The following CD5L variants were observed in gnomAD, a reference collection of about 807,000 sequenced individuals.
CD5L encodes CD5 antigen-like.
A neutral mutation model predicts 40.8 loss-of-function variants in CD5L; 39 were observed. That is an observed-to-expected ratio of 0.96 (90% CI 0.74 to 1.25). The LOEUF (loss-of-function observed/expected upper bound fraction) is 1.25. CD5L is among the 50% of genes most tolerant of loss of function. CD5L has a pLI of 0.00. For missense variants in CD5L, 433 were observed against 435.9 expected, an observed-to-expected ratio of 0.99 and a Z score of 0.06; for synonymous variants, 192 against 169.6, an observed-to-expected ratio of 1.13 and a Z score of -1.03.
intron 2 of CD5L, among the ~76,000 whole-genome samples, chr1:157,838,547 A>G (rs1437135978): frequency 6.6e-6 from 1 of 152,164 alleles, no homozygotes; most frequent in Non-Finnish European, 1.5e-5. Flanking sequence ...CATGGGAAAG[A>G]AGAAATAAAT....
intron 1 of CD5L, among the ~76,000 whole-genome samples, chr1:157,841,432 A>G (rs1656368231): frequency 6.6e-6 from 1 of 152,190 alleles, no homozygotes; most frequent in Admixed American, 6.5e-5. Context: ...AATGGGATAA[A>G]CTATCATGAC....
chr1:157,840,132 C>T (rs1455496345), intron 1 of CD5L, among the ~76,000 whole-genome samples: 4 of 152,162 alleles, frequency 2.6e-5, no homozygotes, highest in Non-Finnish European at 5.9e-5. Flanking sequence ...ATACAAACCT[C>T]ATTATCAGCT....
At chr1:157,837,012 T>A (rs1656236363) in intron 2 of CD5L, among the ~76,000 whole-genome samples, 1 of 152,092 alleles carries the variant, frequency 6.6e-6, no homozygotes, top group Non-Finnish European at 1.5e-5. Context: ...ATCTTAGCAC[T>A]TTGGGAGGCT....
downstream of CD5L, among the ~76,000 whole-genome samples, chr1:157,827,608 G>A (rs1285005219): frequency 6.6e-6 from 1 of 152,150 alleles, no homozygotes; most frequent in African/African-American, 2.4e-5. Flanking sequence ...CAACAGATTA[G>A]ATGATGCCCA....
chr1:157,832,891 T>TA (rs1389592510), intron 5 of CD5L, among the ~76,000 whole-genome samples: 1 of 152,208 alleles, frequency 6.6e-6, no homozygotes, highest in Non-Finnish European at 1.5e-5. Flanking sequence ...ATGTTTAATA[T>TA]AAAAATGTTG....
downstream of CD5L, among the ~76,000 whole-genome samples, chr1:157,829,806 C>T (rs114513732): frequency 0.016 from 2,405 of 152,252 alleles, 65 homozygotes; most frequent in African/African-American, 0.054. Flanking sequence ...ATGTACCATA[C>T]AGCAGTTTGT....
chr1:157,828,586 A>G (rs1655963689), downstream of CD5L, among the ~76,000 whole-genome samples: 1 of 152,066 alleles, frequency 6.6e-6, no homozygotes, highest in South Asian at 2.1e-4. Flanking sequence ...AATATTTTGA[A>G]ATAATTTTTA....
Position 157,831,972 on chromosome 1 carries a change from T to C in CD5L, c.1040-4A>G, listed in dbSNP as rs1421625515. ...CAAGCAACACCAGGATACTATCCTA[T>C]AAAGAGAAGAGGAAAATGCAGTAAG... On this transcript the variant is annotated splice_region_variant and splice_polypyrimidine_tract_variant and intron_variant, in intron 5 of 5. Transcript: ENST00000368174. 5 of 1,586,974 alleles carry C rather than the reference T, an allele frequency of 3.2e-6. No homozygotes were observed. The highest frequency in any genetic ancestry group is 4.3e-6 in the Non-Finnish European group (5 of 1,168,072).
chr1:157,828,060 G>GAGGA (rs1312346628), downstream of CD5L, among the ~76,000 whole-genome samples: 4 of 152,162 alleles, frequency 2.6e-5, no homozygotes, highest in Non-Finnish European at 2.9e-5. Context: ...ACCTTTGATG[G>GAGGA]AGGAAGGAAA....
chr1:157,840,328 G>A (rs1656334210), intron 1 of CD5L, among the ~76,000 whole-genome samples: 1 of 152,022 alleles, frequency 6.6e-6, no homozygotes, highest in Non-Finnish European at 1.5e-5. Context: ...CCTGGGCCCT[G>A]TAACCTCCAG....
Position 157,833,414 on chromosome 1 carries a change from A to G in CD5L, c.817T>C (p.Trp273Arg), listed in dbSNP as rs1426845178. 3.1e-6 allele frequency: 5 copies of G among 1,613,996 alleles called. No homozygotes were observed. The African/African-American group carries it at 6.7e-5, about 22-fold the overall frequency. The part of the protein sequence containing the change: ...GVWGSVCDDN[W>R]GEKEDQVVCK... ...ACCACCTGGTCCTCCTTTTCTCCCC[A>G]GTTGTCATCACAGACAGAGCCCCAT... is the stretch of plus-strand genomic sequence containing the variant. The change falls in exon 5 of 6, where the codon TGG becomes CGG. Residue 273 changes from tryptophan to arginine, a missense_variant. Transcript: ENST00000368174.
In CD5L at chr1:157,831,791, G is replaced by T. The variant is rs962146913; in HGVS notation, c.*173C>A. On this transcript the variant is annotated 3_prime_UTR_variant, in exon 6 of 6. Transcript: ENST00000368174. The stretch of plus-strand genomic sequence containing the variant: ...AGCTCACATCTACAGGCAGCAATGG[G>T]GGCTGCTTGTCCCTGAGAGTAAGGC... The T allele has an allele frequency of 8.3e-6, 11 of 1,322,796 alleles. No homozygotes were observed. The South Asian group carries it at 2.7e-4, about 32-fold the overall frequency. 81.9% of individuals were successfully genotyped at this position (1,322,796 alleles called of 1,614,324 possible). A position where few individuals can be genotyped will look rare whatever the true frequency, so the allele number is the denominator to read the frequency against.
intron 5 of CD5L, among the ~76,000 whole-genome samples, 153 bp from the exon 6 acceptor site, chr1:157,832,121 C>G (rs142096619): frequency 6.6e-6 from 1 of 152,156 alleles, no homozygotes; most frequent in Admixed American, 6.5e-5. Context: ...GTGAGCCAGG[C>G]CAGAACCTTG....
chr1:157,839,115 A>T (rs1331863377), intron 2 of CD5L, among the ~76,000 whole-genome samples: 1 of 152,238 alleles, frequency 6.6e-6, no homozygotes, highest in Non-Finnish European at 1.5e-5. Flanking sequence ...TAGACCTGAA[A>T]TGAACCCAGC....
intron 1 of CD5L, among the ~76,000 whole-genome samples, chr1:157,839,625 C>T (rs1306395529): frequency 1.3e-5 from 2 of 152,202 alleles, no homozygotes; most frequent in Non-Finnish European, 2.9e-5. Flanking sequence ...TCCACCACAG[C>T]TAACTGGTTC....
chr1:157,828,401 G>A (rs1655959049), downstream of CD5L, among the ~76,000 whole-genome samples: 1 of 152,076 alleles, frequency 6.6e-6, no homozygotes, highest in South Asian at 2.1e-4. Flanking sequence ...TGATGGACAG[G>A]TCCTATGTCC....
chr1:157,832,462 T>C (rs2101935690), intron 5 of CD5L, among the ~76,000 whole-genome samples: 1 of 152,328 alleles, frequency 6.6e-6, no homozygotes, highest in Non-Finnish European at 1.5e-5. Context: ...TAGCCCCACA[T>C]TGATTACACA....
At position 157,841,747 on chromosome 1, in the gene CD5L, G is replaced by A; in HGVS notation, c.-46C>T. On this transcript the variant is annotated 5_prime_UTR_variant, in exon 1 of 6. Transcript: ENST00000368174. ...ATGAGCTGAAATTTAAGGCTAGAAG[G>A]AGGTCCCCAAGCAGCAATATTTAGT... 6.4e-7 allele frequency: 1 copy of A among 1,572,858 alleles called. No individual in the cohort carries two copies. The highest frequency in any genetic ancestry group is 8.7e-7 in the Non-Finnish European group (1 of 1,144,866).
In CD5L at chr1:157,841,750, G is replaced by A. The variant is rs1477073887; in HGVS notation, c.-49C>T. ...AGCTGAAATTTAAGGCTAGAAGGAG[G>A]TCCCCAAGCAGCAATATTTAGTTTT... On this transcript the variant is annotated 5_prime_UTR_variant, in exon 1 of 6. Transcript: ENST00000368174. The A allele has an allele frequency of 1.3e-6, 2 of 1,554,166 alleles. No individual in the cohort carries two copies. Among genetic ancestry groups the A allele is most frequent in the South Asian group, 1.1e-5 (1 of 88,176 alleles).
Sources: allele counts gnomAD v4.1 joint callset (sites outside exome capture counted in the v4.1 genomes callset), GRCh38; gene constraint gnomAD v4.1.1; transcripts MANE v1.5; gene names NCBI Gene and HGNC (gene_info 2026-07-23, HGNC 2026-07-21).